The following TRIM36 variants were observed in gnomAD, a reference collection of about 807,000 sequenced individuals.
TRIM36 encodes E3 ubiquitin-protein ligase TRIM36.
A neutral mutation model predicts 72.4 loss-of-function variants in TRIM36; 42 were observed. That is an observed-to-expected ratio of 0.58 (90% CI 0.45 to 0.75). TRIM36 has a LOEUF of 0.75. TRIM36 is among the 30% of genes least tolerant of loss of function. The pLI is 0.00. For missense variants in TRIM36, 913 were observed against 857.1 expected (o/e 1.07, Z -0.81); for synonymous variants, 315 against 282.8 (o/e 1.11, Z -1.14).
intron 3 of TRIM36, among the ~76,000 whole-genome samples, chr5:115,145,009 T>C (rs1753506244): frequency 6.6e-6 from 1 of 152,206 alleles, no homozygotes. Flanking sequence ...CGTCATAATA[T>C]ATAGATGTTA....
At chr5:115,152,565 T>G (rs565144870) in intron 2 of TRIM36, among the ~76,000 whole-genome samples, 3 of 152,218 alleles carry the variant, frequency 2.0e-5, no homozygotes, top group East Asian at 1.9e-4. Flanking sequence ...CCAGGAACAC[T>G]GTCGTCAGGT....
At chr5:115,145,224 A>G (rs567056179) in intron 3 of TRIM36, among the ~76,000 whole-genome samples, 4 of 152,226 alleles carry the variant, frequency 2.6e-5, no homozygotes, top group Non-Finnish European at 4.4e-5. Context: ...GTCTCAGAAA[A>G]CTTTATAAGC....
intron 8 of TRIM36, among the ~76,000 whole-genome samples, chr5:115,132,604 G>A (rs1310628536): frequency 6.6e-6 from 1 of 150,768 alleles, no homozygotes; most frequent in Non-Finnish European, 1.5e-5. Flanking sequence ...ACCCACGTGT[G>A]AGCTGACCAT....
chr5:115,134,125 A>G lies in TRIM36; in HGVS notation c.1233T>C (p.Asn411=). The G allele has an allele frequency of 1.3e-6, 2 of 1,599,510 alleles. No individual in the cohort carries two copies. The highest frequency in any genetic ancestry group is 1.7e-6 in the Non-Finnish European group (2 of 1,172,520). ...FSSGIDVPEI[N]EEQSKVYNNA... is the part of the protein sequence containing the mutation. ...TGTTATAAACTTTGCTCTGTTCCTC[A>G]TTGATCTCTGGCACGTCTATGCCTG... Residue 411 remains asparagine (N), a synonymous_variant, in exon 8 of 10, where the codon AAT becomes AAC. Transcript: ENST00000513154.
intron 1 of TRIM36, chr5:115,177,868 G>T: frequency 6.2e-7 from 1 of 1,614,036 alleles, no homozygotes; most frequent in Non-Finnish European, 8.5e-7. Flanking sequence ...GCCCATTGCT[G>T]AAGCCTAGTG....
intron 9 of TRIM36, among the ~76,000 whole-genome samples, chr5:115,129,455 G>C (rs541537011): frequency 7.8e-4 from 119 of 152,306 alleles, no homozygotes; most frequent in African/African-American, 2.8e-3. Flanking sequence ...CTATTTGGGA[G>C]GCTGAGGCAG....
At chr5:115,163,355 T>C (rs935294001) in intron 2 of TRIM36, among the ~76,000 whole-genome samples, 163 bp downstream of exon 2, 1 of 152,230 alleles carries the variant, frequency 6.6e-6, no homozygotes, top group Non-Finnish European at 1.5e-5. Context: ...CATTTTGACA[T>C]TTTAACAGTG....
At position 115,147,172 on chromosome 5, in the gene TRIM36, C is replaced by T. The variant is rs758414379; in HGVS notation, c.485G>A (p.Cys162Tyr). 2 of 1,614,124 alleles carry T rather than the reference C, an allele frequency of 1.2e-6. No individual in the cohort carries two copies. The highest frequency in any genetic ancestry group is 1.7e-6 in the Non-Finnish European group (2 of 1,180,056). The change falls in exon 3 of 10, where the codon TGT becomes TAT. Residue 162 changes from cysteine (C) to tyrosine (Y), a missense_variant. Cys to Tyr is a radical substitution (Grantham distance 194). Coordinates refer to ENST00000513154, the MANE Select transcript of TRIM36 (RefSeq NM_001300759.2). Reference protein sequence around the residue: ...PQESTKSCMDCSASYCNECFK... With the variant: ...PQESTKSCMDYSASYCNECFK... ...GCATTCATTGCAGTAACTTGCACTA[C>T]AGTCCATGCAGCTTTTTGTGGATTC... is the stretch of plus-strand genomic sequence containing the variant.
Position 115,163,464 on chromosome 5 carries a change from T to G in TRIM36, c.262+54A>C, listed in dbSNP as rs574923387. Reference sequence around the variant, plus strand: ...TTTTCCTTCCAGTTACCACTGAATATATATCTATAAGCTTACCCCCACTAC... The same window carrying G: ...TTTTCCTTCCAGTTACCACTGAATAGATATCTATAAGCTTACCCCCACTAC... On this transcript the variant is annotated intron_variant, in intron 2 of 9. Coordinates refer to ENST00000513154, the MANE Select transcript of TRIM36 (RefSeq NM_001300759.2). The G allele has an allele frequency of 7.6e-6, 11 of 1,453,564 alleles. No homozygotes were observed. The African/African-American group carries it at 1.4e-4, about 18-fold the overall frequency. The allele number at this position is 1,453,564 out of a possible 1,614,324, so 90.0% of individuals were successfully genotyped here.
intron 8 of TRIM36, among the ~76,000 whole-genome samples, chr5:115,133,606 C>G (rs918957263): frequency 6.6e-6 from 1 of 152,136 alleles, no homozygotes; most frequent in South Asian, 2.1e-4. Context: ...TCTGCTCACC[C>G]AAATTTCTTC....
In TRIM36 at chr5:115,144,532, T is replaced by A. The variant is rs527578026; in HGVS notation, c.735+66A>T. Reference sequence around the variant, plus strand: ...ATATAACACACCATGATTTTATAAATGAAAAGTTAAAGGCATAAAGTAAAG... The same window carrying A: ...ATATAACACACCATGATTTTATAAAAGAAAAGTTAAAGGCATAAAGTAAAG... On this transcript the variant is annotated intron_variant, in intron 4 of 9. Transcript: ENST00000513154. The A allele has an allele frequency of 1.1e-5, 17 of 1,587,242 alleles. No individual in the cohort carries two copies. The African/African-American group carries it at 2.0e-4, about 19-fold the overall frequency.
intron 2 of TRIM36, among the ~76,000 whole-genome samples, chr5:115,157,146 T>TAA (rs757876573): frequency 1.7e-4 from 22 of 126,726 alleles, no homozygotes; most frequent in African/African-American, 3.8e-4. Flanking sequence ...ATGGCCATAA[T>TAA]AAAAAAAAAA....
At chr5:115,168,209 A>C (rs1385606421) in intron 1 of TRIM36, among the ~76,000 whole-genome samples, 1 of 152,212 alleles carries the variant, frequency 6.6e-6, no homozygotes, top group Non-Finnish European at 1.5e-5. Context: ...ACCCTTTAAA[A>C]AGGTGTATAA....
At chr5:115,139,364 G>A (rs999038986) in intron 5 of TRIM36, among the ~76,000 whole-genome samples, 14 of 151,940 alleles carry the variant, frequency 9.2e-5, no homozygotes, top group African/African-American at 2.4e-4. Flanking sequence ...CTTGTGATCC[G>A]CCCGCCTCGG....
At chr5:115,173,344 A>C (rs975119524), upstream of TRIM36, among the ~76,000 whole-genome samples, 1 of 152,146 alleles carries the variant, frequency 6.6e-6, no homozygotes, top group Non-Finnish European at 1.5e-5. Context: ...CCCTCTCCGC[A>C]TGCCTAGATT....
intron 4 of TRIM36, among the ~76,000 whole-genome samples, chr5:115,144,130 T>A (rs1753444960): frequency 6.6e-6 from 1 of 152,058 alleles, no homozygotes; most frequent in South Asian, 2.1e-4. Context: ...CGCCTCGGCC[T>A]CCCAAAGAGC....
rs780432367 is a variant in TRIM36 at position 115,133,917 on chromosome 5, C to G, written c.1441G>C (p.Gly481Arg). ...TYAFRVRAYK[G>R]SICSPCSREL... The stretch of plus-strand genomic sequence containing the variant: ...CTGCTGCAAGGACTACAGATTGAAC[C>G]CTTGTAAGCTCTTACTCTGAAAGCA... Residue 481 changes from glycine (G) to arginine (R), a missense_variant, in exon 8 of 10, where the codon GGT becomes CGT. Physicochemically the swap from Gly to Arg is moderately radical, Grantham distance 125. Transcript: ENST00000513154. 4 of 1,612,118 alleles carry G rather than the reference C, an allele frequency of 2.5e-6. No homozygotes were observed. Among genetic ancestry groups the G allele is most frequent in the Non-Finnish European group, 3.4e-6 (4 of 1,179,180 alleles).
At chr5:115,172,981 C>T (rs1437094467), upstream of TRIM36, among the ~76,000 whole-genome samples, 1 of 152,156 alleles carries the variant, frequency 6.6e-6, no homozygotes, top group Non-Finnish European at 1.5e-5. Flanking sequence ...GGTTAAAAAT[C>T]CTTTCTATCC....
At chr5:115,146,760 A>G (rs1034134691) in intron 3 of TRIM36, among the ~76,000 whole-genome samples, 2 of 152,212 alleles carry the variant, frequency 1.3e-5, no homozygotes, top group African/African-American at 4.8e-5. Context: ...AACCATTTCA[A>G]TCTTAAAGAG....
Sources: gnomAD v4.1 joint callset for allele counts (sites outside exome capture counted in the v4.1 genomes callset) on GRCh38, gnomAD v4.1.1 for gene constraint, MANE v1.5 for transcripts, NCBI Gene and HGNC (gene_info 2026-07-23, HGNC 2026-07-21) for gene names.